The following KCNH1 variants were observed in gnomAD, a reference collection of about 807,000 sequenced individuals.
KCNH1 encodes voltage-gated delayed rectifier potassium channel KCNH1.
KCNH1 carries 27 observed loss-of-function variants against 69.2 expected under a neutral mutation model. That is an observed-to-expected ratio of 0.39 (90% confidence interval 0.29 to 0.54). The LOEUF (loss-of-function observed/expected upper bound fraction) is 0.54, where lower values mean the gene tolerates loss of function less well. KCNH1 is among the 20% of genes least tolerant of loss of function. The pLI, the probability that KCNH1 is intolerant of heterozygous loss-of-function variation, is 0.68. For synonymous variants in KCNH1, 456 were observed against 487.7 expected (o/e 0.93, Z 0.86); for missense variants, 798 against 1,261.6 (o/e 0.63, Z 5.57).
At chr1:210,859,415 A>C in intron 7 of KCNH1, 1 of 1,602,886 alleles carries the variant, frequency 6.2e-7, no homozygotes, top group Non-Finnish European at 8.5e-7. Context: ...AATACCTGAT[A>C]CTCATCAACA....
chr1:210,685,517 A>G (rs1363963799), intron 10 of KCNH1, among the ~76,000 whole-genome samples: 1 of 152,188 alleles, frequency 6.6e-6, no homozygotes, highest in Non-Finnish European at 1.5e-5. Flanking sequence ...GAAAGAACTA[A>G]GTTTAAGTCC....
chr1:210,786,798 C>A (rs1684112692), intron 9 of KCNH1, among the ~76,000 whole-genome samples: 1 of 152,212 alleles, frequency 6.6e-6, no homozygotes, highest in Non-Finnish European at 1.5e-5. Flanking sequence ...TCATCCAAGT[C>A]ATTCCAGGCT....
chr1:210,724,073 C>T (rs900340727), intron 10 of KCNH1, among the ~76,000 whole-genome samples: 1 of 152,178 alleles, frequency 6.6e-6, no homozygotes, highest in Non-Finnish European at 1.5e-5. Context: ...TAGTAGTCAT[C>T]ATTTACTGAA....
chr1:210,816,762 T>C (rs756534700), intron 7 of KCNH1, among the ~76,000 whole-genome samples: 6 of 152,246 alleles, frequency 3.9e-5, no homozygotes, highest in Non-Finnish European at 7.3e-5. Flanking sequence ...TAAACAAGCA[T>C]GTTAATCTTA....
intron 9 of KCNH1, among the ~76,000 whole-genome samples, chr1:210,775,842 T>C (rs1382368641): frequency 6.6e-6 from 1 of 152,244 alleles, no homozygotes. Flanking sequence ...ACACCCATTA[T>C]TCTTTATCAC....
At chr1:210,955,856 A>C (rs1346650456) in intron 6 of KCNH1, among the ~76,000 whole-genome samples, 1 of 152,160 alleles carries the variant, frequency 6.6e-6, no homozygotes, top group Admixed American at 6.5e-5. Flanking sequence ...AAACAGGGAC[A>C]ATTTGACTTC....
chr1:210,918,040 C>G (rs1000466541), intron 7 of KCNH1, among the ~76,000 whole-genome samples: 1 of 152,166 alleles, frequency 6.6e-6, no homozygotes, highest in Non-Finnish European at 1.5e-5. Flanking sequence ...TCAATTACCC[C>G]CTTAGACACA....
intron 3 of KCNH1, among the ~76,000 whole-genome samples, chr1:211,096,353 C>T (rs1039455781): frequency 2.0e-5 from 3 of 152,010 alleles, no homozygotes; most frequent in Non-Finnish European, 4.4e-5. Context: ...TGTGAGCCAC[C>T]GTGCCTGGCC....
At chr1:210,840,389 TG>T (rs1037358918) in intron 7 of KCNH1, among the ~76,000 whole-genome samples, 68 of 152,258 alleles carry the variant, frequency 4.5e-4, no homozygotes, top group African/African-American at 1.6e-3. Context: ...AAATATATCA[TG>T]AGGCAAAAGA....
chr1:211,067,805 G>A (rs1690558982), intron 5 of KCNH1, among the ~76,000 whole-genome samples: 1 of 152,172 alleles, frequency 6.6e-6, no homozygotes, highest in South Asian at 2.1e-4. Flanking sequence ...AACAGGATAG[G>A]TTGAGAGTCA....
chr1:210,934,115 A>T (rs1687730645), intron 6 of KCNH1, among the ~76,000 whole-genome samples: 1 of 152,218 alleles, frequency 6.6e-6, no homozygotes, highest in African/African-American at 2.4e-5. Flanking sequence ...GCTTCAGGAC[A>T]TTAGTCTGGG....
chr1:210,732,397 T>G (rs1682767759), intron 10 of KCNH1, among the ~76,000 whole-genome samples: 1 of 152,088 alleles, frequency 6.6e-6, no homozygotes, highest in Non-Finnish European at 1.5e-5. Flanking sequence ...AAGTTCCAGG[T>G]TCTTCTAACC....
At chr1:210,735,421 A>AGTGTGTGTGT (rs71146244) in intron 10 of KCNH1, among the ~76,000 whole-genome samples, 4 of 131,982 alleles carry the variant, frequency 3.0e-5, no homozygotes, top group African/African-American at 5.4e-5. Flanking sequence ...TGAGTGAGTG[A>AGTGTGTGTGT]GTGTGTGTGT....
At chr1:210,700,676 T>G (rs1324834945) in intron 10 of KCNH1, among the ~76,000 whole-genome samples, 1 of 152,228 alleles carries the variant, frequency 6.6e-6, no homozygotes, top group African/African-American at 2.4e-5. Flanking sequence ...ATTTTTGGCT[T>G]TGCAGGCTGC....
At chr1:211,020,782 AG>A (rs1365239613) in intron 5 of KCNH1, among the ~76,000 whole-genome samples, 2 of 152,112 alleles carry the variant, frequency 1.3e-5, no homozygotes, top group Non-Finnish European at 1.5e-5. Context: ...ATCAAAAAAA[AG>A]GTATACTCTA....
At chr1:211,006,669 T>A (rs538907911) in intron 6 of KCNH1, among the ~76,000 whole-genome samples, 34 of 152,274 alleles carry the variant, frequency 2.2e-4, no homozygotes, top group Middle Eastern at 3.4e-3. Flanking sequence ...ATTTCTGTTT[T>A]AAACACTTTA....
At chr1:210,966,285 A>G (rs1688398279) in intron 6 of KCNH1, among the ~76,000 whole-genome samples, 2 of 152,234 alleles carry the variant, frequency 1.3e-5, no homozygotes, top group African/African-American at 4.8e-5. Flanking sequence ...AAAACCCTAG[A>G]AGAAAACATA....
chr1:211,001,372 T>C (rs1179399162), intron 6 of KCNH1, among the ~76,000 whole-genome samples: 3 of 152,182 alleles, frequency 2.0e-5, no homozygotes, highest in African/African-American at 7.2e-5. Flanking sequence ...CAGACACTTC[T>C]CAAAAGAAGA....
chr1:211,029,334 TAAAAAAA>T (rs58241322), intron 5 of KCNH1, among the ~76,000 whole-genome samples: 3 of 23,140 alleles, frequency 1.3e-4, no homozygotes, highest in Non-Finnish European at 2.1e-4. Flanking sequence ...TCCTGTCACT[TAAAAAAA>T]AAAAAAAAAA....
Sources: gnomAD v4.1 joint callset for allele counts (sites outside exome capture counted in the v4.1 genomes callset) on GRCh38, gnomAD v4.1.1 for gene constraint, MANE v1.5 for transcripts, NCBI Gene and HGNC (gene_info 2026-07-23, HGNC 2026-07-21) for gene names.